PSME4: variants seen among roughly 807,000 people sequenced by gnomAD.
The protein encoded by PSME4 is proteasome activator subunit 4.
In PSME4, 89 loss-of-function variants were observed where a neutral mutation model predicts 253.9. That is an observed-to-expected ratio of 0.35 (90% CI 0.30 to 0.42). The LOEUF (loss-of-function observed/expected upper bound fraction) is 0.42, where lower values mean the gene tolerates loss of function less well. Among genes scored for constraint, PSME4 ranks in the 10% least tolerant of loss-of-function variants. The probability of loss-of-function intolerance (pLI) is 1.00; values close to 1 mark genes in which losing one functional copy is unlikely to be tolerated. For missense variants in PSME4, 2,014 were observed against 2,195.2 expected (o/e 0.92, Z 1.65); for synonymous variants, 851 against 759.2 (o/e 1.12, Z -1.99).
At chr2:53,925,282 A>G (rs539278046) in intron 14 of PSME4, among the ~76,000 whole-genome samples, 1 of 152,350 alleles carries the variant, frequency 6.6e-6, no homozygotes, top group East Asian at 1.9e-4. Flanking sequence ...CACATGGCAT[A>G]TGTGAGATCA....
At chr2:53,887,802 T>TAA in intron 39 of PSME4, 56 bp downstream of exon 39, 2 of 1,435,104 alleles carry the variant, frequency 1.4e-6, no homozygotes, top group Non-Finnish European at 1.9e-6. Context: ...TATTACAATT[T>TAA]AAAAAAAAAC....
At chr2:53,936,210 TA>T (rs1558700823) in intron 6 of PSME4, 49 bp from the exon 7 acceptor site, 1 of 1,608,236 alleles carries the variant, frequency 6.2e-7, no homozygotes, top group Non-Finnish European at 8.5e-7. Context: ...TGTTATTGTT[TA>T]AGTGTCATAG....
Position 53,885,725 on chromosome 2 carries a change from T to G in PSME4, c.4780A>C (p.Thr1594Pro). 6.2e-7 allele frequency: 1 copy of G among 1,613,324 alleles called. No individual in the cohort carries two copies. The highest frequency in any genetic ancestry group is 1.1e-5 in the South Asian group (1 of 91,042). ...AAAGGTAGAAGCTGAAGTTGTTCTG[T>G]AACTGCTGTAGAAAAGGATCTTCCT... The part of the protein sequence containing the change: ...SAGRSFSTAV[T>P]EQLQLLPLFF... The change falls in exon 41 of 47, where the codon ACA becomes CCA. Residue 1594 changes from threonine to proline, a missense_variant. Transcript: ENST00000404125.
intron 8 of PSME4, among the ~76,000 whole-genome samples, chr2:53,933,766 T>C (rs1668971865): frequency 6.6e-6 from 1 of 152,218 alleles, no homozygotes; most frequent in East Asian, 1.9e-4. Context: ...CAATAACTAA[T>C]ACTAATCACT....
intron 43 of PSME4, among the ~76,000 whole-genome samples, chr2:53,873,238 C>CAAAAAAAAAAAAAAAAAAAAAAA (rs60203960): frequency 6.5e-5 from 8 of 123,174 alleles, no homozygotes; most frequent in African/African-American, 6.8e-5. Flanking sequence ...GACTCCGTCT[C>CAAAAAAAAAAAAAAAAAAAAAAA]AAAAAAAAAG....
In PSME4 at chr2:53,896,995, C is replaced by T. The variant is rs922738122; in HGVS notation, c.3607-110G>A. 1.5e-5 allele frequency: 12 copies of T among 787,188 alleles called. No homozygotes were observed. In the Admixed American group the frequency reaches 2.3e-4, roughly 15 times the overall value. 48.8% of individuals were successfully genotyped at this position (787,188 alleles called of 1,614,324 possible). A position where few individuals can be genotyped will look rare whatever the true frequency, so the allele number is the denominator to read the frequency against. On this transcript the variant is annotated intron_variant, in intron 31 of 46. Coordinates refer to ENST00000404125, the MANE Select transcript of PSME4 (RefSeq NM_014614.3). ...ATTCTGTTTCTTTAAAAAAACACCT[C>T]GCCTATCGACATCTGGCAGTACATC...
At chr2:53,919,037 TA>T in intron 20 of PSME4, 113 bp downstream of exon 20, 3 of 1,049,072 alleles carry the variant, frequency 2.9e-6, no homozygotes, top group South Asian at 1.6e-5. Flanking sequence ...CAGTGACAAA[TA>T]AAAAGGTTAA....
At chr2:53,965,554 TGAG>T (rs148782481) in intron 1 of PSME4, among the ~76,000 whole-genome samples, 40,735 of 151,570 alleles carry the variant, frequency 0.27, 5,953 homozygotes, top group South Asian at 0.46. Flanking sequence ...TGTGGAGCCC[TGAG>T]GAGGTTTCAA....
At chr2:53,918,689 A>G (rs1668167602) in intron 20 of PSME4, among the ~76,000 whole-genome samples, 1 of 152,120 alleles carries the variant, frequency 6.6e-6, no homozygotes, top group Non-Finnish European at 1.5e-5. Context: ...TTAGCTATTC[A>G]CTCGAAGTAA....
Position 53,922,535 on chromosome 2 carries a change from A to G in PSME4, c.2028T>C (p.Asn676=). 1 of 1,612,794 alleles carries G rather than the reference A, an allele frequency of 6.2e-7. No homozygotes were observed. The highest frequency in any genetic ancestry group is 2.2e-5 in the East Asian group (1 of 44,738). Residue 676 remains asparagine, a synonymous_variant, in exon 17 of 47, where the codon AAT becomes AAC. Coordinates refer to ENST00000404125, the MANE Select transcript of PSME4 (RefSeq NM_014614.3). The part of the protein sequence containing the change: ...DEELDKELLW[N]LQLLSEITRV... Reference sequence around the variant, plus strand: ...ACAATACCTCAGACAAAAGTTGAAGATTCCATAGTAATTCCTTGTCTAGCT... The same window carrying G: ...ACAATACCTCAGACAAAAGTTGAAGGTTCCATAGTAATTCCTTGTCTAGCT...
intron 3 of PSME4, among the ~76,000 whole-genome samples, chr2:53,943,279 A>T (rs1413564213): frequency 1.3e-5 from 2 of 152,202 alleles, no homozygotes; most frequent in East Asian, 3.8e-4. Flanking sequence ...ACTATTCTGT[A>T]TATATCTGCC....
At chr2:53,910,209 T>G (rs1001446971) in intron 20 of PSME4, 79 bp from the exon 21 acceptor site, 1 of 1,136,280 alleles carries the variant, frequency 8.8e-7, no homozygotes, top group Non-Finnish European at 1.3e-6. Flanking sequence ...ATTGCTGGAC[T>G]GTTTAAACCA....
intron 27 of PSME4, 27 bp downstream of exon 27, chr2:53,903,998 C>T (rs1414797456): frequency 1.3e-6 from 2 of 1,564,624 alleles, no homozygotes; most frequent in Non-Finnish European, 1.7e-6. Flanking sequence ...AAAATGTTTA[C>T]AGTAAAATAG....
chr2:53,921,879 A>C (rs1668341646), intron 17 of PSME4, among the ~76,000 whole-genome samples: 1 of 142,414 alleles, frequency 7.0e-6, no homozygotes, highest in South Asian at 2.3e-4. Flanking sequence ...AAAAAAAGAA[A>C]ACTGAAGTTT....
chr2:53,873,449 T>C (rs1678988850), intron 43 of PSME4, among the ~76,000 whole-genome samples: 1 of 152,188 alleles, frequency 6.6e-6, no homozygotes, highest in Non-Finnish European at 1.5e-5. Flanking sequence ...GACAAAACTA[T>C]GAAGTCCATA....
rs1357449783 is a variant in PSME4 at position 53,866,034 on chromosome 2, T to C, written c.*4+51A>G. The C allele has an allele frequency of 2.7e-6, 4 of 1,492,260 alleles. No homozygotes were observed. In the African/African-American group the frequency reaches 4.3e-5, roughly 16 times the overall value. 92.4% of individuals were successfully genotyped at this position (1,492,260 alleles called of 1,614,324 possible). On this transcript the variant is annotated intron_variant, in intron 46 of 46. Transcript: ENST00000404125. ...GCAAAAAGAAAAAAAACAATAAATA[T>C]CTAGTTCTCAGTCACCAAACCAATG...
Position 53,890,108 on chromosome 2 carries a change from G to T in PSME4, c.4292C>A (p.Ser1431Tyr). The change falls in exon 37 of 47, where the codon TCC becomes TAC. Residue 1431 changes from serine to tyrosine, a missense_variant. By Grantham distance (144) the Ser-to-Tyr change is moderately radical. Coordinates refer to ENST00000404125, the MANE Select transcript of PSME4 (RefSeq NM_014614.3). ...YNDWGACIAT[S>Y]CESRDPRKLH... ...GAAAGATGTAGGGTAACTTACACAG[G>T]ATGTTGCTATACAAGCTCCCCAGTC... The T allele has an allele frequency of 6.2e-7, 1 of 1,608,422 alleles. No homozygotes were observed. Among genetic ancestry groups the T allele is most frequent in the Non-Finnish European group, 8.5e-7 (1 of 1,174,954 alleles).
At chr2:53,969,248 C>T (rs1018482232) in intron 1 of PSME4, among the ~76,000 whole-genome samples, 1 of 152,220 alleles carries the variant, frequency 6.6e-6, no homozygotes, top group Non-Finnish European at 1.5e-5. Flanking sequence ...CTTCATTATA[C>T]TCTAGTCAAG....
chr2:53,917,803 C>A (rs1289032832), intron 20 of PSME4, among the ~76,000 whole-genome samples: 3 of 152,068 alleles, frequency 2.0e-5, no homozygotes, highest in East Asian at 1.9e-4. Flanking sequence ...ATTTTTGAAG[C>A]CTCTTATTTT....
Sources: gnomAD v4.1 joint callset for allele counts (sites outside exome capture counted in the v4.1 genomes callset) on GRCh38, gnomAD v4.1.1 for gene constraint, MANE v1.5 for transcripts, NCBI Gene and HGNC (gene_info 2026-07-23, HGNC 2026-07-21) for gene names.